CNTNAP5: variants seen among roughly 807,000 people sequenced by gnomAD.
CNTNAP5 encodes contactin-associated protein-like 5.
CNTNAP5 carries 72 observed loss-of-function variants against 150.2 expected under a neutral mutation model. The observed-to-expected ratio is 0.48, with a 90% CI of 0.40 to 0.58. CNTNAP5 has a LOEUF of 0.58. Ranked by LOEUF, CNTNAP5 falls within the 20% of genes least tolerant of loss-of-function variation. The pLI is 0.00. For synonymous variants in CNTNAP5, 672 were observed against 619.8 expected, an observed-to-expected ratio of 1.08 and a Z score of -1.25; for missense variants, 1,636 against 1,626.2, an observed-to-expected ratio of 1.01 and a Z score of -0.10.
intron 2 of CNTNAP5, among the ~76,000 whole-genome samples, chr2:124,230,388 A>G (rs79257863): frequency 0.015 from 2,294 of 152,180 alleles, 69 homozygotes; most frequent in African/African-American, 0.053. Flanking sequence ...AAACAACACT[A>G]CAACGTCTGC....
intron 13 of CNTNAP5, among the ~76,000 whole-genome samples, chr2:124,723,057 C>T (rs535764851): frequency 9.8e-4 from 149 of 152,256 alleles, no homozygotes; most frequent in African/African-American, 3.5e-3. Context: ...TGTGTTCTCT[C>T]CAGAACCCAC....
At chr2:124,151,190 G>A (rs1173403616) in intron 1 of CNTNAP5, among the ~76,000 whole-genome samples, 1 of 152,168 alleles carries the variant, frequency 6.6e-6, no homozygotes, top group Admixed American at 6.5e-5. Context: ...ATGATATGGG[G>A]TGAATTGGGC....
At chr2:124,393,617 G>A (rs747299912) in intron 3 of CNTNAP5, among the ~76,000 whole-genome samples, 5 of 152,156 alleles carry the variant, frequency 3.3e-5, no homozygotes, top group Non-Finnish European at 5.9e-5. Context: ...ATGACACTTC[G>A]TTGTATGGAT....
At chr2:124,579,575 TG>T (rs1181623611) in intron 11 of CNTNAP5, among the ~76,000 whole-genome samples, 1 of 152,246 alleles carries the variant, frequency 6.6e-6, no homozygotes, top group Non-Finnish European at 1.5e-5. Flanking sequence ...TCCAAACTCT[TG>T]GTATTATCCC....
chr2:124,893,142 A>C (rs189013650), intron 21 of CNTNAP5, among the ~76,000 whole-genome samples: 8 of 152,264 alleles, frequency 5.3e-5, no homozygotes, highest in Admixed American at 5.2e-4. Flanking sequence ...ACCATCCTAC[A>C]GGCTGGGACT....
rs1018563175 is a variant in CNTNAP5, at chr2:124,824,295, G to A, written c.3217+25975G>A. 4.6e-5 allele frequency among the ~76,000 whole-genome samples: 7 copies of A among 151,860 alleles called. No homozygotes were observed. The East Asian group carries it at 5.8e-4, about 13-fold the overall frequency. ...GTCATCCTCCCTTTTTACCATCTTC[G>A]CATGTTATTTTCAATTTTCATACTA... On this transcript the variant is annotated intron_variant, in intron 19 of 23. Transcript: ENST00000682447.
chr2:124,553,564 C>CA (rs61499451), intron 10 of CNTNAP5, among the ~76,000 whole-genome samples: 11,870 of 149,952 alleles, frequency 0.079, 526 homozygotes, highest in African/African-American at 0.11. Context: ...TATGCAGTCT[C>CA]AAAAAAAAGA....
chr2:124,718,962 G>C (rs963378754), intron 13 of CNTNAP5, among the ~76,000 whole-genome samples: 18 of 151,252 alleles, frequency 1.2e-4, no homozygotes, highest in African/African-American at 4.4e-4. Context: ...AAAAAAGAAC[G>C]GGAAATAAGA....
At chr2:124,188,056 A>G (rs185907046) in intron 1 of CNTNAP5, among the ~76,000 whole-genome samples, 1 of 152,306 alleles carries the variant, frequency 6.6e-6, no homozygotes, top group African/African-American at 2.4e-5. Context: ...TTATTTCACT[A>G]GTTTCCTGGC....
Position 124,865,290 on chromosome 2 carries a change from A to C in CNTNAP5, c.3218-16A>C. On this transcript the variant is annotated splice_polypyrimidine_tract_variant and intron_variant, in intron 19 of 23. Transcript: ENST00000682447. ...GTGCTGCTTTATATTCTAATTTCTA[A>C]TATTTTTCTTTCAAGGAAGCTTACA... The C allele has an allele frequency of 2.6e-6, 4 of 1,547,528 alleles. No individual in the cohort carries two copies. The highest frequency in any genetic ancestry group is 3.5e-6 in the Non-Finnish European group (4 of 1,143,470).
chr2:124,761,986 A>G (rs72847345), intron 14 of CNTNAP5, among the ~76,000 whole-genome samples: 7,822 of 152,152 alleles, frequency 0.051, 292 homozygotes, highest in Non-Finnish European at 0.063. Context: ...GAAAATGGAA[A>G]TGGAGAGACA....
At position 124,446,820 on chromosome 2, in the gene CNTNAP5, G is replaced by C; in HGVS notation, c.801G>C (p.Gln267His). Residue 267 changes from glutamine to histidine, a missense_variant, in exon 6 of 24, where the codon CAG becomes CAC. Coordinates refer to ENST00000682447, the MANE Select transcript of CNTNAP5 (RefSeq NM_001367498.1). ...CCCTGGGCAGCCTCCTGGATGACCA[G>C]CACTGGCACTCGGTCCTCATTGAGC... ...SATLGSLLDD[Q>H]HWHSVLIERV... The C allele has an allele frequency of 6.2e-7, 1 of 1,613,940 alleles. No homozygotes were observed. Among genetic ancestry groups the C allele is most frequent in the East Asian group, 2.2e-5 (1 of 44,856 alleles).
chr2:124,341,312 G>A (rs1689609315), intron 3 of CNTNAP5, among the ~76,000 whole-genome samples: 1 of 152,096 alleles, frequency 6.6e-6, no homozygotes, highest in Non-Finnish European at 1.5e-5. Flanking sequence ...GAAAGTCATT[G>A]GTTCTGAAGC....
intron 13 of CNTNAP5, among the ~76,000 whole-genome samples, chr2:124,673,561 G>A (rs982478332): frequency 6.6e-6 from 1 of 151,388 alleles, no homozygotes; most frequent in African/African-American, 2.4e-5. Context: ...TTTGTTTTTG[G>A]GACTCACTTT....
intron 3 of CNTNAP5, among the ~76,000 whole-genome samples, chr2:124,402,029 G>A (rs1258735915): frequency 1.3e-5 from 2 of 152,174 alleles, no homozygotes; most frequent in Non-Finnish European, 2.9e-5. Context: ...ATAACTGATG[G>A]TTTAGGAAGG....
chr2:124,877,709 A>G (rs1313291662), intron 21 of CNTNAP5, among the ~76,000 whole-genome samples: 2 of 152,116 alleles, frequency 1.3e-5, no homozygotes, highest in Non-Finnish European at 2.9e-5. Context: ...GTAGTATTAA[A>G]GTTTTTCAAG....
At chr2:124,681,008 G>C (rs929060412) in intron 13 of CNTNAP5, 5 of 151,726 alleles carry the variant, frequency 3.3e-5, no homozygotes, top group Non-Finnish European at 5.9e-5. Context: ...AAAGCTGACC[G>C]GGTGCGGGGC....
At chr2:124,313,775 A>G (rs1464608111) in intron 3 of CNTNAP5, among the ~76,000 whole-genome samples, 1 of 152,190 alleles carries the variant, frequency 6.6e-6, no homozygotes, top group Non-Finnish European at 1.5e-5. Flanking sequence ...GTGGAATCCA[A>G]TAAAACCACA....
intron 13 of CNTNAP5, among the ~76,000 whole-genome samples, chr2:124,728,893 G>T (rs1458813474): frequency 3.9e-5 from 6 of 151,928 alleles, no homozygotes; most frequent in Non-Finnish European, 7.4e-5. Flanking sequence ...ATATAAGCTA[G>T]ACTATTTTCT....
Sources: allele counts gnomAD v4.1 joint callset (sites outside exome capture counted in the v4.1 genomes callset), GRCh38; gene constraint gnomAD v4.1.1; transcripts MANE v1.5; gene names NCBI Gene and HGNC (gene_info 2026-07-23, HGNC 2026-07-21).